TRIM27: variants seen among roughly 807,000 people sequenced by gnomAD.
TRIM27 encodes zinc finger protein RFP.
In TRIM27, 12 loss-of-function variants were observed where a neutral mutation model predicts 57.6. That is an observed-to-expected ratio of 0.21 (90% CI 0.13 to 0.34). TRIM27 has a LOEUF of 0.34. TRIM27 is among the 10% of genes least tolerant of loss of function. The pLI, the probability that TRIM27 is intolerant of heterozygous loss-of-function variation, is 1.00. For synonymous variants in TRIM27, 266 were observed against 259.0 expected (o/e 1.03, Z -0.26); for missense variants, 403 against 656.8 (o/e 0.61, Z 4.22).
At chr6:28,915,385 G>T (rs1409458195) in intron 3 of TRIM27, 4 of 151,634 alleles carry the variant, frequency 2.6e-5, no homozygotes, top group African/African-American at 9.7e-5. Flanking sequence ...AAGGTAGGCG[G>T]ATCACCTGAG....
Position 28,920,247 on chromosome 6 carries a change from G to A in TRIM27, c.517-5C>T, listed in dbSNP as rs1257703445. The A allele has an allele frequency of 1.9e-6, 3 of 1,586,778 alleles. No individual in the cohort carries two copies. The highest frequency in any genetic ancestry group is 2.6e-6 in the Non-Finnish European group (3 of 1,163,470). Reference sequence around the variant, plus strand: ...CCTCTCCATCTGGGTTAGGCTCTATGCAGACGACAGGGAAAGGCAGTAAAG... The same window carrying A: ...CCTCTCCATCTGGGTTAGGCTCTATACAGACGACAGGGAAAGGCAGTAAAG... On this transcript the variant is annotated splice_polypyrimidine_tract_variant and splice_region_variant and intron_variant, in intron 2 of 7. Coordinates refer to ENST00000377199, the MANE Select transcript of TRIM27 (RefSeq NM_006510.5).
At chr6:28,914,689 G>A (rs1236193690) in intron 3 of TRIM27, 2 of 148,844 alleles carry the variant, frequency 1.3e-5, no homozygotes, top group African/African-American at 5.0e-5. Flanking sequence ...TAATATATCC[G>A]AGTAACAGAA....
Position 28,907,481 on chromosome 6 carries a change from T to C in TRIM27, c.920-219A>G, listed in dbSNP as rs571059822. On this transcript the variant is annotated intron_variant, in intron 6 of 7. Transcript: ENST00000377199. ...GGATTGGGAATCTTAAGTACAGGGA[T>C]AACCACATGCCTGAGACTGGTAGAA... The C allele has an allele frequency of 3.8e-5, 27 of 708,274 alleles. No individual in the cohort carries two copies. The African/African-American group carries it at 4.5e-4, about 12-fold the overall frequency. 43.9% of individuals were successfully genotyped at this position (708,274 alleles called of 1,614,324 possible). A position where few individuals can be genotyped will look rare whatever the true frequency, so the allele number is the denominator to read the frequency against.
intron 2 of TRIM27, among the ~76,000 whole-genome samples, chr6:28,921,654 A>C (rs1470451173): frequency 6.6e-6 from 1 of 152,186 alleles, no homozygotes; most frequent in Non-Finnish European, 1.5e-5. Context: ...CGCAGTTAGC[A>C]GGTTAAAGTA....
At chr6:28,912,610 C>G (rs1773291579) in intron 3 of TRIM27, among the ~76,000 whole-genome samples, 1 of 151,864 alleles carries the variant, frequency 6.6e-6, no homozygotes, top group African/African-American at 2.4e-5. Context: ...CTTTTTTTAA[C>G]TTGGATAGTA....
At chr6:28,922,909 G>A (rs1036648255) in intron 1 of TRIM27, among the ~76,000 whole-genome samples, 1 of 152,128 alleles carries the variant, frequency 6.6e-6, no homozygotes, top group Admixed American at 6.5e-5. Context: ...TGTGTACGCG[G>A]TTTTATGCAC....
chr6:28,915,062 T>C (rs1031581706), intron 3 of TRIM27: 4 of 152,078 alleles, frequency 2.6e-5, no homozygotes, highest in African/African-American at 7.2e-5. Flanking sequence ...CAGTGTTAAA[T>C]AGAGATAAAT....
rs1301402865 is a variant in TRIM27 at position 28,923,580 on chromosome 6, A to G, written c.53T>C (p.Val18Ala). The change falls in exon 1 of 8, where the codon GTG becomes GCG. Residue 18 changes from valine to alanine, a missense_variant. Val to Ala is a moderately conservative substitution (Grantham distance 64). Transcript: ENST00000377199. ...GGGCTCTGCGAAGTACTGCAGGCAC[A>G]CGGGGCAGGTGGTCTCCTGCTGCAG... Reference protein sequence around the residue: ...ECLQQETTCPVCLQYFAEPMM... With the variant: ...ECLQQETTCPACLQYFAEPMM... The G allele has an allele frequency of 6.2e-7, 1 of 1,607,808 alleles. No individual in the cohort carries two copies.
At position 28,903,231 on chromosome 6, in the gene TRIM27, TC is replaced by T. The variant is rs546110592; in HGVS notation, c.*838del. 1.5e-3 allele frequency: 358 copies of T among 232,844 alleles called. No individual in the cohort carries two copies. Among genetic ancestry groups the T allele is most frequent in the African/African-American group, 7.1e-3 (323 of 45,386 alleles). 14.4% of individuals were successfully genotyped at this position (232,844 alleles called of 1,614,324 possible). A position where few individuals can be genotyped will look rare whatever the true frequency, so the allele number is the denominator to read the frequency against. On this transcript the variant is annotated 3_prime_UTR_variant, in exon 8 of 8. Coordinates refer to ENST00000377199, the MANE Select transcript of TRIM27 (RefSeq NM_006510.5). ...GAAATGGAGAAAAGGAGCCAAGAAG[TC>T]AATGAATCCCTGGAATATTGTCCCA...
rs189289531 is a variant in TRIM27, at chr6:28,920,433, A to C, written c.517-191T>G. On this transcript the variant is annotated intron_variant, in intron 2 of 7. Transcript: ENST00000377199. ...AACTGAATTACCCCAGTGATTATTA[A>C]GACATAGTCCCTGTTCTCAAGCAAC... Among the ~76,000 whole-genome samples, 224 of 152,296 alleles carry C rather than the reference A, an allele frequency of 1.5e-3. 1 individual carries two copies. Among genetic ancestry groups the C allele is most frequent in the African/African-American group, 4.7e-3 (194 of 41,566 alleles).
intron 3 of TRIM27, among the ~76,000 whole-genome samples, chr6:28,912,465 C>T (rs1284069517): frequency 1.3e-5 from 2 of 151,532 alleles, no homozygotes; most frequent in African/African-American, 4.9e-5. Context: ...TGGCTCACGC[C>T]TGGGCAACAA....
chr6:28,922,079 G>A, intron 1 of TRIM27, 92 bp from the exon 2 acceptor site: 1 of 951,490 alleles, frequency 1.1e-6, no homozygotes. Context: ...CCACACACCT[G>A]ATGCCAAGTC....
chr6:28,922,358 T>A (rs1379294696), intron 1 of TRIM27, among the ~76,000 whole-genome samples: 1 of 152,214 alleles, frequency 6.6e-6, no homozygotes, highest in South Asian at 2.1e-4. Flanking sequence ...ATAGGTACAC[T>A]GTGAAAGTGA....
Position 28,923,779 on chromosome 6 carries a change from G to C in TRIM27, c.-147C>G. ...CGCCTCCCGGGCCCGTATCCCAGAC[G>C]CGCCCGCGCACCGAAGGCTTGGAGT... On this transcript the variant is annotated 5_prime_UTR_variant, in exon 1 of 8. Coordinates refer to ENST00000377199, the MANE Select transcript of TRIM27 (RefSeq NM_006510.5). The C allele has an allele frequency of 1.1e-6, 1 of 881,054 alleles. No homozygotes were observed. The highest frequency in any genetic ancestry group is 1.9e-5 in the South Asian group (1 of 53,854). The allele number at this position is 881,054 out of a possible 1,614,324, so 54.6% of individuals were successfully genotyped here.
intron 1 of TRIM27, among the ~76,000 whole-genome samples, chr6:28,922,828 A>G (rs1022299167): frequency 3.9e-5 from 6 of 152,252 alleles, no homozygotes; most frequent in South Asian, 2.1e-4. Context: ...AGGAATGGGC[A>G]TAAGTCAGTT....
In TRIM27 at chr6:28,923,808, C is replaced by T. The variant is rs1252818870; in HGVS notation, c.-176G>A. 3 of 669,844 alleles carry T rather than the reference C, an allele frequency of 4.5e-6. No individual in the cohort carries two copies. Among genetic ancestry groups the T allele is most frequent in the South Asian group, 2.2e-5 (1 of 46,298 alleles). The allele number at this position is 669,844 out of a possible 1,614,324, so 41.5% of individuals were successfully genotyped here. ...CCGCGCACCGAAGGCTTGGAGTGGC[C>T]GGGCCGATGCCTGCGCCTGTGCCCC... is the stretch of plus-strand genomic sequence containing the variant. On this transcript the variant is annotated 5_prime_UTR_variant, in exon 1 of 8. Transcript: ENST00000377199.
chr6:28,913,384 TTTC>T (rs1773362531), intron 3 of TRIM27, among the ~76,000 whole-genome samples: 1 of 151,758 alleles, frequency 6.6e-6, no homozygotes, highest in Non-Finnish European at 1.5e-5. Flanking sequence ...CTAGCTTTTA[TTTC>T]TTCTATCAAA....
At chr6:28,920,357 G>T (rs936935244) in intron 2 of TRIM27, 115 bp from the exon 3 acceptor site, 2 of 810,370 alleles carry the variant, frequency 2.5e-6, no homozygotes, top group South Asian at 4.4e-5. Context: ...AACAAGCACA[G>T]TGCTAACTCA....
chr6:28,914,593 GAT>G (rs1773468883), intron 3 of TRIM27, among the ~76,000 whole-genome samples: 33 of 93,892 alleles, frequency 3.5e-4, no homozygotes, highest in African/African-American at 6.2e-4. Context: ...GGGGGGGGGG[GAT>G]GAGGGATAAC....
Sources: allele counts gnomAD v4.1 joint callset (sites outside exome capture counted in the v4.1 genomes callset), GRCh38; gene constraint gnomAD v4.1.1; transcripts MANE v1.5; gene names NCBI Gene and HGNC (gene_info 2026-07-23, HGNC 2026-07-21).